The following USP54 variants were observed in gnomAD, a reference collection of about 807,000 sequenced individuals.
USP54 encodes ubiquitin carboxyl-terminal hydrolase 54.
USP54 carries 87 observed loss-of-function variants against 170.5 expected under a neutral mutation model. The observed-to-expected ratio is 0.51, with a 90% CI of 0.43 to 0.61. The LOEUF (loss-of-function observed/expected upper bound fraction) is 0.61. USP54 is among the 20% of genes least tolerant of loss of function. The pLI is 0.00. For synonymous variants in USP54, 655 were observed against 742.8 expected, an observed-to-expected ratio of 0.88 and a Z score of 1.92; for missense variants, 1,786 against 2,047.8, an observed-to-expected ratio of 0.87 and a Z score of 2.47.
intron 22 of USP54, among the ~76,000 whole-genome samples, chr10:73,502,375 CTCGGCT>C (rs2058312469): frequency 6.6e-6 from 1 of 152,136 alleles, no homozygotes; most frequent in African/African-American, 2.4e-5. Flanking sequence ...GTGGCGCAAT[CTCGGCT>C]CACTCACTGC....
At chr10:73,510,989 A>G (rs1203237052) in intron 20 of USP54, among the ~76,000 whole-genome samples, 1 of 152,172 alleles carries the variant, frequency 6.6e-6, no homozygotes, top group African/African-American at 2.4e-5. Flanking sequence ...AGAACAGGCA[A>G]ATCTCTAGAG....
At chr10:73,500,419 C>T (rs1189452369) in intron 23 of USP54, among the ~76,000 whole-genome samples, 2 of 152,198 alleles carry the variant, frequency 1.3e-5, no homozygotes, top group South Asian at 2.1e-4. Context: ...AGGTCATTTT[C>T]GTAAGTAGAC....
intron 1 of USP54, among the ~76,000 whole-genome samples, chr10:73,598,191 C>T (rs2132252582): frequency 6.6e-6 from 1 of 152,306 alleles, no homozygotes; most frequent in Middle Eastern, 3.4e-3. Context: ...TTCCAGGCAT[C>T]CACTGGAGGT....
intron 1 of USP54, among the ~76,000 whole-genome samples, chr10:73,618,010 A>G (rs1276247920): frequency 6.6e-6 from 1 of 150,466 alleles, no homozygotes; most frequent in Non-Finnish European, 1.5e-5. Context: ...CAGGAGTTCG[A>G]GACCAGCCTG....
chr10:73,525,428 C>T (rs944086740), intron 16 of USP54, among the ~76,000 whole-genome samples: 3 of 152,164 alleles, frequency 2.0e-5, no homozygotes, highest in Non-Finnish European at 2.9e-5. Flanking sequence ...CTTGTCATAA[C>T]TCCTTGCTAA....
intron 12 of USP54, 55 bp from the exon 13 acceptor site, chr10:73,530,890 C>T: frequency 6.2e-7 from 1 of 1,607,058 alleles, no homozygotes; most frequent in Non-Finnish European, 8.5e-7. Context: ...CCTCCACCCT[C>T]CTGAGAACCT....
intron 16 of USP54, among the ~76,000 whole-genome samples, chr10:73,525,336 A>G (rs1168019197): frequency 6.6e-6 from 1 of 152,224 alleles, no homozygotes; most frequent in Non-Finnish European, 1.5e-5. Flanking sequence ...GTGTCTTAAT[A>G]AAATGGTTAG....
chr10:73,500,679 C>T lies in USP54; in HGVS notation c.4471G>A (p.Ala1491Thr), dbSNP rs2057926274. 6.2e-6 allele frequency: 10 copies of T among 1,603,680 alleles called. No homozygotes were observed. The highest frequency in any genetic ancestry group is 8.5e-6 in the Non-Finnish European group (10 of 1,175,586). Residue 1491 changes from alanine (A) to threonine (T), a missense_variant, in exon 23 of 24, where the codon GCA becomes ACA. Ala to Thr is a moderately conservative substitution (Grantham distance 58, BLOSUM62 0). This residue lies in a region of USP54 where 1,418 missense variants were observed against 1,569.0 expected (regional missense o/e 0.90). Transcript: ENST00000687698. ...LSPDVLMPTM[A>T]GEPNRLPGTS... ...CCTGGGAGTCTATTGGGCTCCCCTG[C>T]CATGGTGGGCATCAGGACATCTGGG... is the stretch of plus-strand genomic sequence containing the variant.
intron 4 of USP54, among the ~76,000 whole-genome samples, chr10:73,564,897 C>A (rs1289073061): frequency 7.9e-6 from 1 of 127,154 alleles, no homozygotes; most frequent in African/African-American, 3.2e-5. Flanking sequence ...GTCCTCATCT[C>A]TACCAAAAAA....
At chr10:73,584,317 G>A (rs1175429433) in intron 1 of USP54, among the ~76,000 whole-genome samples, 3 of 152,050 alleles carry the variant, frequency 2.0e-5, no homozygotes, top group African/African-American at 7.2e-5. Context: ...GAACCAGGGA[G>A]TCGGAGGTTG....
intron 1 of USP54, among the ~76,000 whole-genome samples, chr10:73,623,473 T>C (rs529239063): frequency 6.6e-5 from 10 of 152,154 alleles, no homozygotes; most frequent in East Asian, 3.9e-4. Flanking sequence ...CCTGGCAACA[T>C]AGCAAGACCC....
chr10:73,531,714 G>A (rs1018056325), intron 12 of USP54, among the ~76,000 whole-genome samples: 1 of 152,084 alleles, frequency 6.6e-6, no homozygotes, highest in Non-Finnish European at 1.5e-5. Flanking sequence ...CCATCTTCAC[G>A]AAACTTGGCT....
In USP54 at chr10:73,534,724, C is replaced by T. The variant is rs778660522; in HGVS notation, c.1191G>A (p.Thr397=). ...GGGAATGTTTGTAGGGATAGCTCTC[C>T]GTTGAGGAATCTGTTCGAGTGTCAC... The part of the protein sequence containing the change: ...ISSDTRTDSS[T]ESYPYKHSHH... The change falls in exon 12 of 24, where the codon ACG becomes ACA. Residue 397 remains threonine (T), a synonymous_variant. Transcript: ENST00000687698. 14 of 1,614,116 alleles carry T rather than the reference C, an allele frequency of 8.7e-6. No individual in the cohort carries two copies. The highest frequency in any genetic ancestry group is 1.1e-5 in the Non-Finnish European group (13 of 1,179,988).
chr10:73,522,647 A>T (rs998306830), intron 17 of USP54, among the ~76,000 whole-genome samples: 11 of 152,264 alleles, frequency 7.2e-5, no homozygotes, highest in African/African-American at 2.2e-4. Context: ...ATATAGAGAC[A>T]GCTAAGTATT....
chr10:73,542,375 T>C lies in USP54; in HGVS notation c.572+428A>G, dbSNP rs184469742. On this transcript the variant is annotated intron_variant, in intron 7 of 23. Coordinates refer to ENST00000687698, the MANE Select transcript of USP54 (RefSeq NM_001391956.1). ...TGGGCCTCCCAAAGTGCTAGGATTA[T>C]AGGCATGAGCCACCATGCCCGGCCA... Among the ~76,000 whole-genome samples, 287 of 152,218 alleles carry C rather than the reference T, an allele frequency of 1.9e-3. 2 individuals are homozygous for C. Among genetic ancestry groups the C allele is most frequent in the African/African-American group, 6.6e-3 (276 of 41,576 alleles).
rs1269307193 is a variant in USP54 at position 73,598,948 on chromosome 10, G to A, written c.-17-23273C>T. 2.6e-5 allele frequency among the ~76,000 whole-genome samples: 4 copies of A among 151,838 alleles called. No homozygotes were observed. In the East Asian group the frequency reaches 5.8e-4, roughly 22 times the overall value. On this transcript the variant is annotated intron_variant, in intron 1 of 22. Coordinates refer to the USP54 transcript ENST00000339859. ...AAACAAATTAGCTGGGTTTGGTGGC[G>A]CATGCCTGTAGTCCCAGCTACTTGG...
At chr10:73,585,310 C>T (rs1410978110) in intron 1 of USP54, among the ~76,000 whole-genome samples, 1 of 152,080 alleles carries the variant, frequency 6.6e-6, no homozygotes, top group African/African-American at 2.4e-5. Flanking sequence ...AAAGAAATAC[C>T]CAAGGCTGGG....
chr10:73,545,489 C>A, intron 5 of USP54, 49 bp downstream of exon 5: 1 of 1,602,922 alleles, frequency 6.2e-7, no homozygotes, highest in South Asian at 1.1e-5. Flanking sequence ...TGATGGAGAC[C>A]ATCAGCAGTC....
chr10:73,589,247 C>G (rs2077923430), intron 1 of USP54, among the ~76,000 whole-genome samples: 1 of 152,202 alleles, frequency 6.6e-6, no homozygotes, highest in African/African-American at 2.4e-5. Context: ...AGCTCTTTAG[C>G]TTGTCCCTGA....
Sources: gnomAD v4.1 joint callset for allele counts (sites outside exome capture counted in the v4.1 genomes callset) on GRCh38, gnomAD v4.1.1 for gene constraint, gnomAD v4.1.1 regional missense constraint, MANE v1.5 for transcripts, NCBI Gene and HGNC (gene_info 2026-07-23, HGNC 2026-07-21) for gene names.